PCNX1: variants seen among roughly 807,000 people sequenced by gnomAD.
The protein encoded by PCNX1 is pecanex 1.
Under a neutral mutation model 242.2 loss-of-function variants are expected in PCNX1, and 78 were observed. That is an observed-to-expected ratio of 0.32 (90% CI 0.27 to 0.39). PCNX1 has a LOEUF of 0.39. Among genes scored for constraint, PCNX1 ranks in the 10% least tolerant of loss-of-function variants. The pLI is 1.00. For missense variants in PCNX1, 2,581 were observed against 2,856.5 expected (o/e 0.90, Z 2.20); for synonymous variants, 1,024 against 1,032.9 (o/e 0.99, Z 0.17).
At chr14:71,034,639 TAAAAC>T (rs1251023154) in intron 18 of PCNX1, among the ~76,000 whole-genome samples, 2 of 152,220 alleles carry the variant, frequency 1.3e-5, no homozygotes, top group East Asian at 3.8e-4. Context: ...ATTTATGGAA[TAAAAC>T]AAAATCTTTT....
intron 16 of PCNX1, chr14:71,031,636 T>C: frequency 1.6e-6 from 1 of 641,418 alleles, no homozygotes; most frequent in South Asian, 1.6e-5. Flanking sequence ...GCTCAACAGC[T>C]CTGTGGGTGG....
At chr14:71,017,999 A>C (rs2060003693) in intron 11 of PCNX1, among the ~76,000 whole-genome samples, 1 of 152,210 alleles carries the variant, frequency 6.6e-6, no homozygotes. Flanking sequence ...AAATTTAAAT[A>C]TGTACAAAGT....
intron 30 of PCNX1, among the ~76,000 whole-genome samples, chr14:71,101,126 AC>A (rs375956942): frequency 3.5e-4 from 54 of 152,282 alleles, no homozygotes; most frequent in African/African-American, 1.3e-3. Flanking sequence ...TTCACATAGC[AC>A]AAATTCTGGT....
rs973019687 is a variant in PCNX1, at chr14:71,109,475, G to A, written c.6768G>A (p.Leu2256=). ...AGATTGTGGATCCCAGTCAAATTCT[G>A]GAAGGGATCAACCTGTCTAAAAGGA... ...RVQIVDPSQI[L]EGINLSKRKE... Residue 2256 remains leucine (L), a synonymous_variant, in exon 35 of 36, where the codon CTG becomes CTA. Coordinates refer to ENST00000304743, the MANE Select transcript of PCNX1 (RefSeq NM_014982.3). The A allele has an allele frequency of 6.2e-7, 1 of 1,613,134 alleles. No homozygotes were observed. The highest frequency in any genetic ancestry group is 1.7e-5 in the Admixed American group (1 of 59,848).
intron 1 of PCNX1, among the ~76,000 whole-genome samples, chr14:70,925,775 T>C (rs1237890017): frequency 1.3e-5 from 2 of 152,134 alleles, no homozygotes; most frequent in East Asian, 3.8e-4. Context: ...CTTTGTGAGA[T>C]GAAGATACTG....
chr14:71,009,984 A>G, intron 9 of PCNX1: 1 of 284,658 alleles, frequency 3.5e-6, no homozygotes, highest in East Asian at 6.1e-5. Context: ...ACTTAAATCT[A>G]CTCTCTTAGT....
chr14:70,983,931 C>T (rs1037413124), intron 6 of PCNX1, among the ~76,000 whole-genome samples: 17 of 151,364 alleles, frequency 1.1e-4, no homozygotes, highest in Non-Finnish European at 2.1e-4. Context: ...CATGCCTAGA[C>T]TAAAACATTC....
intron 18 of PCNX1, among the ~76,000 whole-genome samples, chr14:71,035,063 G>T (rs545288389): frequency 6.6e-6 from 1 of 152,082 alleles, no homozygotes; most frequent in Non-Finnish European, 1.5e-5. Context: ...AAATGACACC[G>T]TGGTCAGGAG....
intron 5 of PCNX1, among the ~76,000 whole-genome samples, chr14:70,970,356 A>T (rs972377762): frequency 5.3e-5 from 8 of 151,998 alleles, no homozygotes; most frequent in African/African-American, 1.9e-4. Context: ...ACAGAGGGAG[A>T]CCCTTTCTCT....
At chr14:70,964,763 TG>T (rs2058327763) in intron 3 of PCNX1, among the ~76,000 whole-genome samples, 1 of 152,230 alleles carries the variant, frequency 6.6e-6, no homozygotes, top group Admixed American at 6.5e-5. Flanking sequence ...TTAAAGCATG[TG>T]TGCATGTTGT....
At chr14:70,973,043 G>A (rs1157131716) in intron 5 of PCNX1, among the ~76,000 whole-genome samples, 1 of 152,142 alleles carries the variant, frequency 6.6e-6, no homozygotes, top group Non-Finnish European at 1.5e-5. Context: ...CTGGAGGCCA[G>A]GAGTTCAATA....
At chr14:71,037,120 A>AT (rs1225976794) in intron 19 of PCNX1, among the ~76,000 whole-genome samples, 2 of 151,830 alleles carry the variant, frequency 1.3e-5, no homozygotes, top group African/African-American at 4.8e-5. Context: ...AATGCTTGTG[A>AT]TTTTTGCACA....
chr14:71,097,923 T>G (rs1446864023), intron 30 of PCNX1, among the ~76,000 whole-genome samples: 2 of 152,248 alleles, frequency 1.3e-5, no homozygotes, highest in Non-Finnish European at 2.9e-5. Context: ...GTCTTACATT[T>G]AAATCTTTAA....
At chr14:70,949,323 G>A (rs8004452) in intron 2 of PCNX1, among the ~76,000 whole-genome samples, 65,355 of 146,786 alleles carry the variant, frequency 0.45, 15,977 homozygotes, top group Non-Finnish European at 0.55. Context: ...AGATACACAC[G>A]TGTATACACG....
intron 3 of PCNX1, among the ~76,000 whole-genome samples, chr14:70,964,634 A>G (rs1051054732): frequency 2.0e-5 from 3 of 152,184 alleles, no homozygotes; most frequent in Admixed American, 1.3e-4. Flanking sequence ...TCCTTTTTAC[A>G]AAAAGGAAAG....
At chr14:70,984,365 A>G (rs111569292) in intron 6 of PCNX1, among the ~76,000 whole-genome samples, 1 of 151,414 alleles carries the variant, frequency 6.6e-6, no homozygotes, top group Non-Finnish European at 1.5e-5. Flanking sequence ...TATTTCTTTC[A>G]TAAATTAATC....
intron 23 of PCNX1, among the ~76,000 whole-genome samples, chr14:71,051,168 C>CAAAAAAA (rs758181078): frequency 1.2e-4 from 5 of 41,782 alleles, no homozygotes; most frequent in African/African-American, 2.9e-4. Flanking sequence ...AACTCTGTCT[C>CAAAAAAA]AAAAAAAAAA....
intron 24 of PCNX1, among the ~76,000 whole-genome samples, chr14:71,054,120 A>G (rs143158359): frequency 5.9e-5 from 9 of 152,326 alleles, no homozygotes; most frequent in African/African-American, 2.2e-4. Context: ...TAAGACAATC[A>G]TGGATATTTT....
At chr14:71,015,447 T>G (rs1431323264) in intron 11 of PCNX1, among the ~76,000 whole-genome samples, 2 of 152,200 alleles carry the variant, frequency 1.3e-5, no homozygotes, top group African/African-American at 2.4e-5. Flanking sequence ...AAGCATACTA[T>G]TGTAAGTTTC....
Sources: allele counts gnomAD v4.1 joint callset (sites outside exome capture counted in the v4.1 genomes callset), GRCh38; gene constraint gnomAD v4.1.1; transcripts MANE v1.5; gene names NCBI Gene and HGNC (gene_info 2026-07-23, HGNC 2026-07-21).